The following KLF16 variants were observed in gnomAD, a reference collection of about 807,000 sequenced individuals.
KLF16 encodes KLF transcription factor 16.
Under a neutral mutation model 6.1 loss-of-function variants are expected in KLF16, and 6 were observed. The observed-to-expected ratio is 0.98, with a 90% CI of 0.54 to 1.93. The LOEUF (loss-of-function observed/expected upper bound fraction) is 1.93. Among genes scored for constraint, KLF16 ranks in the 30% most tolerant of loss-of-function variants. The pLI is 0.01. For synonymous variants in KLF16, 211 were observed against 176.5 expected (o/e 1.20, Z -1.55); for missense variants, 355 against 363.8 (o/e 0.98, Z 0.20).
upstream of KLF16, among the ~76,000 whole-genome samples, chr19:1,868,483 T>G (rs1467884274): frequency 2.7e-5 from 2 of 74,220 alleles, no homozygotes; most frequent in African/African-American, 6.8e-5. Context: ...TTTTTTTTTT[T>G]TTTTTTTTTT....
the KLF16 span, among the ~76,000 whole-genome samples, chr19:1,873,589 G>A: frequency 6.6e-6 from 1 of 152,256 alleles, no homozygotes; most frequent in Non-Finnish European, 1.5e-5. Flanking sequence ...CTACCCGGGA[G>A]AACGCTGTTG....
At chr19:1,856,950 C>CGGGGGGGGGGGGGGGG (rs946961126) in intron 1 of KLF16, among the ~76,000 whole-genome samples, 1 of 43,272 alleles carries the variant, frequency 2.3e-5, no homozygotes, top group African/African-American at 2.0e-4. Flanking sequence ...AGCAGGTTGC[C>CGGGGGGGGGGGGGGGG]GGGGTGGGGG....
At chr19:1,871,343 G>T in the KLF16 span, among the ~76,000 whole-genome samples, 1 of 152,104 alleles carries the variant, frequency 6.6e-6, no homozygotes, top group Non-Finnish European at 1.5e-5. Context: ...AGGAGGGACT[G>T]GACGGGCTGC....
chr19:1,862,253 G>A (rs994404749), intron 1 of KLF16, among the ~76,000 whole-genome samples: 1 of 152,200 alleles, frequency 6.6e-6, no homozygotes, highest in Non-Finnish European at 1.5e-5. Context: ...GGCCCACCAG[G>A]CTCCCGGTTC....
chr19:1,862,740 G>A (rs899301866), intron 1 of KLF16: 15 of 355,916 alleles, frequency 4.2e-5, no homozygotes, highest in Non-Finnish European at 6.0e-5. Context: ...ACGGAACAAG[G>A]CCCAGAAAGG....
intron 1 of KLF16, among the ~76,000 whole-genome samples, chr19:1,860,672 C>T (rs901326785): frequency 6.6e-6 from 1 of 152,060 alleles, no homozygotes; most frequent in Admixed American, 6.5e-5. Flanking sequence ...GGCTCCCTCC[C>T]AAAAAAACGC....
upstream of KLF16, among the ~76,000 whole-genome samples, chr19:1,867,531 AC>A (rs1438514455): frequency 6.6e-6 from 1 of 151,512 alleles, no homozygotes; most frequent in East Asian, 1.9e-4. Flanking sequence ...GCTGTGATAC[AC>A]CCCAGCCTGG....
chr19:1,871,774 AC>A, the KLF16 span, among the ~76,000 whole-genome samples: 1 of 151,934 alleles, frequency 6.6e-6, no homozygotes, highest in Non-Finnish European at 1.5e-5. Flanking sequence ...CAGCGAGGTC[AC>A]CCTGCTGGCC....
chr19:1,871,002 A>G, the KLF16 span, among the ~76,000 whole-genome samples: 2 of 152,246 alleles, frequency 1.3e-5, no homozygotes, highest in East Asian at 3.8e-4. Flanking sequence ...TCTCAAAAAA[A>G]AGAAAAAAGA....
In KLF16 at chr19:1,854,480, G is replaced by A; in HGVS notation, c.738C>T (p.Ser246=). ...GGCCCTACAGGCCTGCGGGGGCTGG[G>A]CTGGGCGCGGGGCTGGGCGCAGGGC... ...AGSPAPSPAP[S]PAPAGL is the part of the protein sequence containing the mutation. Residue 246 remains serine (S), a synonymous_variant, in exon 2 of 2, where the codon AGC becomes AGT. Coordinates refer to ENST00000250916, the MANE Select transcript of KLF16 (RefSeq NM_031918.4). 7.0e-7 allele frequency: 1 copy of A among 1,422,920 alleles called. No individual in the cohort carries two copies. Among genetic ancestry groups the A allele is most frequent in the Non-Finnish European group, 9.1e-7 (1 of 1,101,160 alleles). 88.1% of individuals were successfully genotyped at this position (1,422,920 alleles called of 1,614,324 possible). A position where few individuals can be genotyped will look rare whatever the true frequency, so the allele number is the denominator to read the frequency against.
upstream of KLF16, among the ~76,000 whole-genome samples, chr19:1,864,184 G>T (rs1171578205): frequency 6.6e-6 from 1 of 151,382 alleles, no homozygotes; most frequent in Non-Finnish European, 1.5e-5. Flanking sequence ...CCCCGGGCGC[G>T]CCCCCGTTCG....
intron 1 of KLF16, among the ~76,000 whole-genome samples, chr19:1,859,777 C>A (rs2012026328): frequency 6.6e-6 from 1 of 152,208 alleles, no homozygotes; most frequent in African/African-American, 2.4e-5. Flanking sequence ...GGGTGCTGGC[C>A]TGCGGCAGGG....
chr19:1,864,757 T>C (rs2012157202), upstream of KLF16, among the ~76,000 whole-genome samples: 2 of 152,040 alleles, frequency 1.3e-5, no homozygotes, highest in African/African-American at 4.8e-5. Flanking sequence ...ACTTGTTAAA[T>C]ATTAGGGGGG....
chr19:1,868,461 CTTT>C (rs762308559), upstream of KLF16, among the ~76,000 whole-genome samples: 2 of 110,038 alleles, frequency 1.8e-5, no homozygotes, highest in African/African-American at 3.3e-5. Context: ...CAGATTAGGG[CTTT>C]TTTTTTTTTT....
Position 1,854,691 on chromosome 19 carries a change from C to T in KLF16, c.527G>A (p.Arg176His), listed in dbSNP as rs749116723. 3.7e-6 allele frequency: 6 copies of T among 1,600,240 alleles called. No homozygotes were observed. Among genetic ancestry groups the T allele is most frequent in the South Asian group, 2.2e-5 (2 of 90,976 alleles). ...CTCGCCCGTGTGCGTCCGGTGGTGG[C>T]GGGCCAGCTCGTCGGAGCGGGCGAA... ...KKFARSDELA[R>H]HHRTHTGEKR... The change falls in exon 2 of 2, where the codon CGC (arginine) becomes CAC (histidine). Residue 176 changes from arginine to histidine, a missense_variant. Transcript: ENST00000250916.
upstream of KLF16, among the ~76,000 whole-genome samples, chr19:1,865,816 C>G (rs1210977538): frequency 6.6e-6 from 1 of 152,240 alleles, no homozygotes; most frequent in Non-Finnish European, 1.5e-5. Context: ...ACAGACAAAC[C>G]TCCAGCAGCG....
the KLF16 span, among the ~76,000 whole-genome samples, chr19:1,873,845 A>G: frequency 1.3e-5 from 2 of 152,366 alleles, no homozygotes; most frequent in Non-Finnish European, 2.9e-5. Flanking sequence ...GAAGGCCCGG[A>G]CTCGGTTTAC....
At chr19:1,861,954 C>T (rs891183944) in intron 1 of KLF16, 2 of 152,242 alleles carry the variant, frequency 1.3e-5, no homozygotes, top group African/African-American at 4.8e-5. Context: ...CCCAAAGCGG[C>T]CACCGCTATG....
At position 1,857,731 on chromosome 19, in the gene KLF16, G is replaced by A. The variant is rs77749220; in HGVS notation, c.458-2971C>T. ...TCACGTCCACCTAACAGGTGGGGTC[G>A]GGTCTGTAGGGGAGGGCACAGGTGG... On this transcript the variant is annotated intron_variant, in intron 1 of 1. Coordinates refer to ENST00000250916, the MANE Select transcript of KLF16 (RefSeq NM_031918.4). This position sits in a 1 kb window ranked among gnomAD's most constrained non-coding sequence, Gnocchi z 4.7. 0.038 allele frequency among the ~76,000 whole-genome samples: 5,778 copies of A among 152,034 alleles called. 172 individuals are homozygous for A. Among genetic ancestry groups the A allele is most frequent in the East Asian group, 0.087 (448 of 5,152 alleles).
Sources: allele counts gnomAD v4.1 joint callset (sites outside exome capture counted in the v4.1 genomes callset), GRCh38; gene constraint gnomAD v4.1.1; non-coding constraint Gnocchi (gnomAD v3.1); transcripts MANE v1.5; gene names NCBI Gene and HGNC (gene_info 2026-07-23, HGNC 2026-07-21).